BMPR2: variants seen among roughly 807,000 people sequenced by gnomAD.
BMPR2 encodes bone morphogenetic protein receptor type-2.
A neutral mutation model predicts 100.8 loss-of-function variants in BMPR2; 29 were observed. That is an observed-to-expected ratio of 0.29 (90% CI 0.21 to 0.39). BMPR2 has a LOEUF of 0.39. Ranked by LOEUF, BMPR2 falls within the 10% of genes least tolerant of loss-of-function variation. The probability of loss-of-function intolerance (pLI) is 1.00; values close to 1 mark genes in which losing one functional copy is unlikely to be tolerated. For missense variants in BMPR2, 1,011 were observed against 1,274.5 expected, an observed-to-expected ratio of 0.79 and a Z score of 3.15; for synonymous variants, 382 against 442.3, an observed-to-expected ratio of 0.86 and a Z score of 1.71.
chr2:202,510,546 C>T (rs1355362276), intron 3 of BMPR2, among the ~76,000 whole-genome samples: 1 of 152,146 alleles, frequency 6.6e-6, no homozygotes, highest in Non-Finnish European at 1.5e-5. Context: ...ACTATAGGCA[C>T]ATAAAATATC....
At chr2:202,428,382 T>TTCTC (rs72445138) in intron 1 of BMPR2, among the ~76,000 whole-genome samples, 10 of 150,442 alleles carry the variant, frequency 6.6e-5, no homozygotes, top group Non-Finnish European at 1.2e-4. Context: ...CTCCTTCTGT[T>TTCTC]TCTCTCTCTC....
At chr2:202,540,282 G>A (rs185075295) in intron 9 of BMPR2, among the ~76,000 whole-genome samples, 4 of 152,136 alleles carry the variant, frequency 2.6e-5, no homozygotes, top group Non-Finnish European at 4.4e-5. Context: ...TATGTGTTGT[G>A]TGTATGTCTC....
chr2:202,518,127 CTTTT>C (rs35869694), intron 5 of BMPR2, among the ~76,000 whole-genome samples: 2 of 77,016 alleles, frequency 2.6e-5, no homozygotes, highest in African/African-American at 1.1e-4. Flanking sequence ...CGCCTGGCCT[CTTTT>C]TTTTTTTTTT....
chr2:202,514,885 T>C lies in BMPR2; in HGVS notation c.530-3T>C, dbSNP rs1209429201. The C allele has an allele frequency of 3.7e-6, 6 of 1,611,574 alleles. No individual in the cohort carries two copies. Among genetic ancestry groups the C allele is most frequent in the African/African-American group, 1.3e-5 (1 of 74,884 alleles). ...ATTAGTAACCTGTTTCCTGTTCTTA[T>C]AGGAGACCGTAAACAAGGTCTTCAC... On this transcript the variant is annotated splice_polypyrimidine_tract_variant and splice_region_variant and intron_variant, in intron 4 of 12. Coordinates refer to ENST00000374580, the MANE Select transcript of BMPR2 (RefSeq NM_001204.7).
At chr2:202,438,144 C>T (rs1691654110) in intron 1 of BMPR2, among the ~76,000 whole-genome samples, 1 of 149,532 alleles carries the variant, frequency 6.7e-6, no homozygotes, top group South Asian at 2.1e-4. Flanking sequence ...AGAAACCCTG[C>T]CTCTACTAAA....
intron 12 of BMPR2, 31 bp downstream of exon 12, chr2:202,556,562 T>A (rs748408547): frequency 1.2e-6 from 2 of 1,605,142 alleles, no homozygotes; most frequent in Admixed American, 3.3e-5. Flanking sequence ...ATCTCTCCTG[T>A]GTGTCTTTTG....
intron 1 of BMPR2, among the ~76,000 whole-genome samples, chr2:202,441,067 C>G (rs181889202): frequency 6.7e-5 from 10 of 150,146 alleles, no homozygotes; most frequent in Non-Finnish European, 1.3e-4. Flanking sequence ...TGCAACGTCT[C>G]CCTCCTGGGT....
chr2:202,498,893 A>G (rs1017803337), intron 3 of BMPR2, among the ~76,000 whole-genome samples: 2 of 152,154 alleles, frequency 1.3e-5, no homozygotes, highest in Non-Finnish European at 1.5e-5. Flanking sequence ...CTTTTCATTG[A>G]GGGAGAATAT....
intron 1 of BMPR2, among the ~76,000 whole-genome samples, chr2:202,441,045 A>G (rs921604430): frequency 2.1e-4 from 32 of 150,142 alleles, no homozygotes; most frequent in Admixed American, 1.6e-3. Flanking sequence ...CAGTGGCACA[A>G]TCTTGGCTCA....
intron 1 of BMPR2, among the ~76,000 whole-genome samples, chr2:202,422,230 G>GT (rs1196464057): frequency 3.3e-5 from 5 of 151,938 alleles, no homozygotes; most frequent in Non-Finnish European, 5.9e-5. Flanking sequence ...TTAGTAAGCA[G>GT]AAAACACTTT....
Position 202,376,414 on chromosome 2 carries a change from C to T in BMPR2, c.-1061C>T, listed in dbSNP as rs1294708399. ...GGTGTCTCGCCGCCTCCCTGCCCAC[C>T]CCCTTCCCCGGCTACCTTCATCCGC... On this transcript the variant is annotated 5_prime_UTR_variant, in exon 1 of 13. Coordinates refer to ENST00000374580, the MANE Select transcript of BMPR2 (RefSeq NM_001204.7). Among the ~76,000 whole-genome samples, 1 of 147,968 alleles carries T rather than the reference C, an allele frequency of 6.8e-6. No homozygotes were observed. Among genetic ancestry groups the T allele is most frequent in the Admixed American group, 6.7e-5 (1 of 14,816 alleles).
At position 202,531,105 on chromosome 2, in the gene BMPR2, C is replaced by A. The variant is rs926453781; in HGVS notation, c.1128+151C>A. ...ATCACCTAAGGTAAAGAGTTCGAGA[C>A]CAGCTTGGCCAACATGGCGAAACCC... On this transcript the variant is annotated intron_variant, in intron 8 of 12. Coordinates refer to ENST00000374580, the MANE Select transcript of BMPR2 (RefSeq NM_001204.7). 4 of 883,278 alleles carry A rather than the reference C, an allele frequency of 4.5e-6. No individual in the cohort carries two copies. In the African/African-American group the frequency reaches 6.7e-5, roughly 15 times the overall value. 54.7% of individuals were successfully genotyped at this position (883,278 alleles called of 1,614,324 possible).
At chr2:202,538,866 C>T (rs1688215707) in intron 9 of BMPR2, among the ~76,000 whole-genome samples, 2 of 149,714 alleles carry the variant, frequency 1.3e-5, no homozygotes, top group Admixed American at 6.7e-5. Flanking sequence ...GGAGACTGTT[C>T]GATGGGGTAT....
At chr2:202,486,198 C>T (rs947095415) in intron 3 of BMPR2, among the ~76,000 whole-genome samples, 5 of 152,288 alleles carry the variant, frequency 3.3e-5, no homozygotes, top group Admixed American at 2.6e-4. Flanking sequence ...TATTGCCTTA[C>T]TTCTCCATGC....
intron 3 of BMPR2, among the ~76,000 whole-genome samples, chr2:202,497,127 G>A (rs563251998): frequency 5.3e-5 from 8 of 152,334 alleles, no homozygotes; most frequent in East Asian, 3.9e-4. Flanking sequence ...ATTTCTCACC[G>A]GGTCTTAGCT....
At position 202,555,644 on chromosome 2, in the gene BMPR2, A is replaced by C. The variant is rs1444149482; in HGVS notation, c.1979A>C (p.Glu660Ala). ...ACCCCTGTCTGCTTACAGCTGACAGAAGAAGACTTGGAAACCAACAAGCTA... is the reference window on the plus strand; with the variant it reads ...ACCCCTGTCTGCTTACAGCTGACAGCAGAAGACTTGGAAACCAACAAGCTA... ...GPTPVCLQLT[E>A]EDLETNKLDP... The change falls in exon 12 of 13, where the codon GAA becomes GCA. Residue 660 changes from glutamate (E) to alanine (A), a missense_variant. This residue lies in a region of BMPR2 where 508 missense variants were observed against 552.0 expected (regional missense o/e 0.92). Coordinates refer to ENST00000374580, the MANE Select transcript of BMPR2 (RefSeq NM_001204.7). 4 of 1,614,188 alleles carry C rather than the reference A, an allele frequency of 2.5e-6. No individual in the cohort carries two copies. Among genetic ancestry groups the C allele is most frequent in the Non-Finnish European group, 3.4e-6 (4 of 1,180,030 alleles).
In BMPR2 at chr2:202,559,702, A is replaced by T; in HGVS notation, c.2873A>T (p.Glu958Val). ...VLDGSSIQIG[E>V]STQDGKSGSG... ...TCTGCACTTTTATTTTCAGTAGGTG[A>T]GTCAACACAAGATGGCAAATCAGGA... Residue 958 changes from glutamate to valine, a missense_variant, in exon 13 of 13, where the codon GAG (glutamate) becomes GTG (valine). Around this residue, in one of 6 missense-constraint regions of BMPR2, gnomAD observed 508 missense variants for 552.0 expected, o/e 0.92. Transcript: ENST00000374580. 1 of 1,614,104 alleles carries T rather than the reference A, an allele frequency of 6.2e-7. No homozygotes were observed. The highest frequency in any genetic ancestry group is 8.5e-7 in the Non-Finnish European group (1 of 1,179,980).
At chr2:202,431,721 T>A (rs1189269174) in intron 1 of BMPR2, among the ~76,000 whole-genome samples, 1 of 150,458 alleles carries the variant, frequency 6.6e-6, no homozygotes, top group Non-Finnish European at 1.5e-5. Flanking sequence ...AGCAATAGAC[T>A]TTATAACCTA....
chr2:202,507,577 C>A (rs1227992179), intron 3 of BMPR2, among the ~76,000 whole-genome samples: 1 of 151,852 alleles, frequency 6.6e-6, no homozygotes, highest in African/African-American at 2.4e-5. Flanking sequence ...TTTGTAGAGA[C>A]AAAGTCTTGC....
Sources: gnomAD v4.1 joint callset for allele counts (sites outside exome capture counted in the v4.1 genomes callset) on GRCh38, gnomAD v4.1.1 for gene constraint, gnomAD v4.1.1 regional missense constraint, MANE v1.5 for transcripts, NCBI Gene and HGNC (gene_info 2026-07-23, HGNC 2026-07-21) for gene names.